FAM13A: variants seen among roughly 807,000 people sequenced by gnomAD.
The protein encoded by FAM13A is protein FAM13A.
A neutral mutation model predicts 129.6 loss-of-function variants in FAM13A; 76 were observed. The observed-to-expected ratio is 0.59, with a 90% CI of 0.49 to 0.71. FAM13A has a LOEUF of 0.71. Among genes scored for constraint, FAM13A ranks in the 30% least tolerant of loss-of-function variants. The probability of loss-of-function intolerance (pLI) is 0.00; values close to 1 mark genes in which losing one functional copy is unlikely to be tolerated. For missense variants in FAM13A, 1,108 were observed against 1,249.3 expected (o/e 0.89, Z 1.70); for synonymous variants, 443 against 449.9 (o/e 0.98, Z 0.20).
intron 17 of FAM13A, 152 bp from the exon 18 acceptor site, chr4:88,748,003 C>T (rs1053807146): frequency 5.0e-6 from 3 of 594,388 alleles, no homozygotes; most frequent in African/African-American, 1.9e-5. Flanking sequence ...CATTCTCCTG[C>T]CTCAGTCTCC....
Position 88,866,966 on chromosome 4 carries a change from A to G in FAM13A, c.844-15783T>C, listed in dbSNP as rs1458045057. Among the ~76,000 whole-genome samples the G allele has an allele frequency of 3.3e-5, 5 of 152,238 alleles. No homozygotes were observed. The East Asian group carries it at 9.6e-4, about 29-fold the overall frequency. On this transcript the variant is annotated intron_variant, in intron 6 of 23. Coordinates refer to ENST00000264344, the MANE Select transcript of FAM13A (RefSeq NM_014883.4). ...GGGTACATACATGTGGCATAGTCAT[A>G]GAAGATAATATCATAAAGCAGTTAG...
chr4:88,726,008 T>TAAC lies in FAM13A; in HGVS notation c.*2522_*2524dup, dbSNP rs1317787119. On this transcript the variant is annotated 3_prime_UTR_variant, in exon 24 of 24. Coordinates refer to ENST00000264344, the MANE Select transcript of FAM13A (RefSeq NM_014883.4). ...CTTAAGTTTACTTACACTTATGAAA[T>TAAC]AACTCTTGACATTTATTTTGTTGGC... The TAAC allele has an allele frequency of 3.9e-5, 6 of 152,234 alleles. No individual in the cohort carries two copies. The highest frequency in any genetic ancestry group is 7.3e-5 in the Non-Finnish European group (5 of 68,040). 9.4% of individuals were successfully genotyped at this position (152,234 alleles called of 1,614,324 possible).
chr4:88,957,202 G>C (rs890689774), intron 4 of FAM13A, among the ~76,000 whole-genome samples: 2 of 152,046 alleles, frequency 1.3e-5, no homozygotes, highest in African/African-American at 4.8e-5. Context: ...GGCACATGCC[G>C]GCAGTCCCAT....
chr4:88,930,795 C>T (rs1329960722), intron 5 of FAM13A, among the ~76,000 whole-genome samples: 1 of 152,056 alleles, frequency 6.6e-6, no homozygotes, highest in African/African-American at 2.4e-5. Flanking sequence ...AACCCACTGG[C>T]CCCCAAGTGG....
chr4:88,904,210 G>C (rs1221858543), intron 6 of FAM13A, among the ~76,000 whole-genome samples: 2 of 152,170 alleles, frequency 1.3e-5, no homozygotes, highest in African/African-American at 4.8e-5. Flanking sequence ...AGAATATGGT[G>C]ATTCTGCAAA....
intron 2 of FAM13A, among the ~76,000 whole-genome samples, chr4:89,023,135 C>CTT (rs1326326272): frequency 6.6e-6 from 1 of 152,162 alleles, no homozygotes; most frequent in African/African-American, 2.4e-5. Context: ...TACGATACGC[C>CTT]TTTCCCTTAA....
chr4:88,812,010 A>G (rs961193668), intron 7 of FAM13A, among the ~76,000 whole-genome samples: 18 of 152,058 alleles, frequency 1.2e-4, no homozygotes, highest in Admixed American at 6.6e-4. Flanking sequence ...TGGTAAAAGG[A>G]TGAGTTTGAC....
rs547894751 is a variant in FAM13A at position 88,902,531 on chromosome 4, C to T, written c.843+3848G>A. On this transcript the variant is annotated intron_variant, in intron 6 of 23. Transcript: ENST00000264344. ...AAACACTTGATTATCTCAATAGATG[C>T]AGAAGGGGCCTTTGATAAAATTCAA... Among the ~76,000 whole-genome samples, 11 of 152,050 alleles carry T rather than the reference C, an allele frequency of 7.2e-5. No individual in the cohort carries two copies. In the South Asian group the frequency reaches 2.3e-3, roughly 32 times the overall value.
chr4:89,012,670 G>T (rs1017145210), intron 3 of FAM13A, among the ~76,000 whole-genome samples: 5 of 152,164 alleles, frequency 3.3e-5, no homozygotes, highest in Non-Finnish European at 5.9e-5. Context: ...TTAAGGGTCA[G>T]GGATGCTTAC....
intron 5 of FAM13A, among the ~76,000 whole-genome samples, chr4:88,930,446 G>A (rs1335313976): frequency 2.0e-5 from 3 of 152,134 alleles, no homozygotes; most frequent in Non-Finnish European, 4.4e-5. Flanking sequence ...ATGACACTCA[G>A]CAATACACAG....
chr4:88,798,114 T>G (rs1315591494), intron 8 of FAM13A, among the ~76,000 whole-genome samples: 1 of 152,200 alleles, frequency 6.6e-6, no homozygotes, highest in Non-Finnish European at 1.5e-5. Flanking sequence ...TCCTCCTGGA[T>G]TTAGATTTGA....
In FAM13A at chr4:88,726,311, T is replaced by G. The variant is rs1227359185; in HGVS notation, c.*2222A>C. The G allele has an allele frequency of 6.6e-6, 1 of 152,208 alleles. No homozygotes were observed. Among genetic ancestry groups the G allele is most frequent in the Non-Finnish European group, 1.5e-5 (1 of 68,034 alleles). The allele number at this position is 152,208 out of a possible 1,614,324, so 9.4% of individuals were successfully genotyped here. On this transcript the variant is annotated 3_prime_UTR_variant, in exon 24 of 24. Transcript: ENST00000264344. ...TCCATGAAGAATATAAGTTAGTTAG[T>G]TAGTTAGTGGAAATTACAAAGGAAA... is the stretch of plus-strand genomic sequence containing the variant.
intron 10 of FAM13A, among the ~76,000 whole-genome samples, chr4:88,782,237 T>C (rs1436891374): frequency 6.6e-6 from 1 of 151,946 alleles, no homozygotes; most frequent in Non-Finnish European, 1.5e-5. Context: ...CAGTTTTAAG[T>C]ATTAATATCT....
chr4:88,903,446 T>C (rs182826360), intron 6 of FAM13A, among the ~76,000 whole-genome samples: 108 of 152,122 alleles, frequency 7.1e-4, no homozygotes, highest in Non-Finnish European at 7.2e-4. Context: ...ATAGAGAAGT[T>C]AGAAATAAGA....
intron 21 of FAM13A, among the ~76,000 whole-genome samples, chr4:88,733,465 T>C (rs895552129): frequency 4.6e-5 from 7 of 151,412 alleles, no homozygotes; most frequent in Non-Finnish European, 8.8e-5. Flanking sequence ...AATGAATACG[T>C]TTCTTTTTGT....
chr4:89,008,022 A>G (rs1765273569), intron 3 of FAM13A, among the ~76,000 whole-genome samples: 1 of 151,738 alleles, frequency 6.6e-6, no homozygotes, highest in African/African-American at 2.4e-5. Flanking sequence ...CATTTATTTT[A>G]AACTTTTTCC....
chr4:88,959,547 T>C (rs948783970), intron 4 of FAM13A, among the ~76,000 whole-genome samples: 3 of 152,236 alleles, frequency 2.0e-5, no homozygotes, highest in African/African-American at 4.8e-5. Flanking sequence ...TCTGCTATAA[T>C]TATAAGTTTC....
At chr4:88,990,181 T>C (rs906834599) in intron 4 of FAM13A, 3 of 152,170 alleles carry the variant, frequency 2.0e-5, no homozygotes, top group Non-Finnish European at 4.4e-5. Context: ...TAAGCCAGAA[T>C]CTAAATTTAG....
chr4:88,960,990 T>G (rs1174099725), intron 4 of FAM13A, among the ~76,000 whole-genome samples: 1 of 152,202 alleles, frequency 6.6e-6, no homozygotes, highest in Non-Finnish European at 1.5e-5. Flanking sequence ...TATTAATTCT[T>G]AACACTTTTT....
Sources: allele counts gnomAD v4.1 joint callset (sites outside exome capture counted in the v4.1 genomes callset), GRCh38; gene constraint gnomAD v4.1.1; transcripts MANE v1.5; gene names NCBI Gene and HGNC (gene_info 2026-07-23, HGNC 2026-07-21).